Variants in ERC2 observed in about 807,000 individuals in gnomAD.
ERC2 encodes the protein ERC protein 2.
A neutral mutation model predicts 114.8 loss-of-function variants in ERC2; 42 were observed. The ratio of observed to expected loss-of-function variants is 0.37; its 90% CI spans 0.29 to 0.47. ERC2 has a LOEUF of 0.47. Among genes scored for constraint, ERC2 ranks in the 20% least tolerant of loss-of-function variants. The pLI is 0.99. For synonymous variants in ERC2, 454 were observed against 425.5 expected, an observed-to-expected ratio of 1.07 and a Z score of -0.82; for missense variants, 939 against 1,150.7, an observed-to-expected ratio of 0.82 and a Z score of 2.66.
intron 6 of ERC2, among the ~76,000 whole-genome samples, chr3:56,086,180 G>T (rs530888223): frequency 9.2e-5 from 14 of 152,006 alleles, no homozygotes; most frequent in Non-Finnish European, 2.1e-4. Context: ...GCACCTTCTC[G>T]CCATGTGTGA....
intron 2 of ERC2, among the ~76,000 whole-genome samples, chr3:56,391,848 G>A (rs1353645022): frequency 6.6e-6 from 1 of 152,008 alleles, no homozygotes; most frequent in Non-Finnish European, 1.5e-5. Flanking sequence ...AATACCTATG[G>A]GCTTTAGGGA....
At chr3:55,587,615 T>C (rs2107592342) in intron 17 of ERC2, among the ~76,000 whole-genome samples, 1 of 152,328 alleles carries the variant, frequency 6.6e-6, no homozygotes, top group Admixed American at 6.5e-5. Context: ...ATAGTGAATG[T>C]TTAATTTAAA....
chr3:55,930,297 G>C (rs970776192), intron 13 of ERC2, among the ~76,000 whole-genome samples: 5 of 152,136 alleles, frequency 3.3e-5, no homozygotes, highest in African/African-American at 1.2e-4. Context: ...GTTTTTTACA[G>C]CAATGCAAGA....
chr3:55,750,204 A>T (rs2066599165), intron 14 of ERC2, among the ~76,000 whole-genome samples: 1 of 152,190 alleles, frequency 6.6e-6, no homozygotes, highest in African/African-American at 2.4e-5. Context: ...TAAAAGATAA[A>T]TAATAGTTTA....
At chr3:55,903,032 AAC>A (rs2064227738) in intron 13 of ERC2, among the ~76,000 whole-genome samples, 2 of 152,212 alleles carry the variant, frequency 1.3e-5, no homozygotes, top group South Asian at 4.1e-4. Context: ...GCAGAAACAA[AAC>A]ATACTCACAT....
At chr3:55,838,893 T>C (rs1204764873) in intron 14 of ERC2, among the ~76,000 whole-genome samples, 1 of 151,640 alleles carries the variant, frequency 6.6e-6, no homozygotes, top group Admixed American at 6.6e-5. Flanking sequence ...CAAAAAGAAA[T>C]AGATAACCAG....
Position 56,403,860 on chromosome 3 carries a change from A to T in ERC2, c.657+30491T>A, listed in dbSNP as rs960284258. Among the ~76,000 whole-genome samples, 3 of 152,234 alleles carry T rather than the reference A, an allele frequency of 2.0e-5. No homozygotes were observed. In the South Asian group the frequency reaches 6.2e-4, roughly 31 times the overall value. On this transcript the variant is annotated intron_variant, in intron 2 of 17. Coordinates refer to ENST00000288221, the MANE Select transcript of ERC2 (RefSeq NM_015576.3). Reference sequence around the variant, plus strand: ...CATCTTCCAGTCTATAAAAGGACAGAAGGGAAGGCTGTGCTTCAGGAAAGG... The same window carrying T: ...CATCTTCCAGTCTATAAAAGGACAGTAGGGAAGGCTGTGCTTCAGGAAAGG...
chr3:55,827,000 T>C (rs1303795231), intron 14 of ERC2, among the ~76,000 whole-genome samples: 1 of 152,214 alleles, frequency 6.6e-6, no homozygotes, highest in Non-Finnish European at 1.5e-5. Context: ...AGCCTCACTT[T>C]ACTTCTTACT....
At chr3:55,559,901 G>A (rs766353276) in intron 17 of ERC2, among the ~76,000 whole-genome samples, 3 of 152,220 alleles carry the variant, frequency 2.0e-5, no homozygotes, top group Non-Finnish European at 2.9e-5. Flanking sequence ...CACAGCGTAC[G>A]GATGGCCATG....
intron 8 of ERC2, among the ~76,000 whole-genome samples, chr3:56,017,411 A>T (rs929991498): frequency 2.6e-5 from 4 of 152,148 alleles, no homozygotes; most frequent in Non-Finnish European, 4.4e-5. Flanking sequence ...CTTTTATTCA[A>T]ATTAATCCCC....
intron 13 of ERC2, among the ~76,000 whole-genome samples, chr3:55,947,552 T>G (rs1030266424): frequency 7.5e-6 from 1 of 133,574 alleles, no homozygotes; most frequent in East Asian, 1.9e-4. Flanking sequence ...GCCTAGTATG[T>G]TTTTGCTCAT....
At chr3:56,190,356 A>C (rs1396553161) in intron 3 of ERC2, among the ~76,000 whole-genome samples, 1 of 152,186 alleles carries the variant, frequency 6.6e-6, no homozygotes, top group Admixed American at 6.5e-5. Flanking sequence ...AGTTGTGAGA[A>C]TGAAGTGGTT....
intron 3 of ERC2, among the ~76,000 whole-genome samples, chr3:56,216,272 G>C (rs937978276): frequency 6.6e-6 from 1 of 152,134 alleles, no homozygotes; most frequent in African/African-American, 2.4e-5. Context: ...AGAAAAGAGA[G>C]AAGATCAAAT....
chr3:55,589,338 G>A (rs1446032083), intron 17 of ERC2, among the ~76,000 whole-genome samples: 4 of 151,976 alleles, frequency 2.6e-5, no homozygotes, highest in African/African-American at 7.3e-5. Flanking sequence ...GTGCGCAAAC[G>A]AGCAGCTTAC....
chr3:56,325,854 C>T (rs554431405), intron 2 of ERC2, among the ~76,000 whole-genome samples: 22 of 152,254 alleles, frequency 1.4e-4, no homozygotes, highest in African/African-American at 4.6e-4. Context: ...AAGGTCACAG[C>T]AAAGATTTCA....
Position 56,010,519 on chromosome 3 carries a change from G to T in ERC2, c.1850C>A (p.Ser617Tyr). The change falls in exon 9 of 18, where the codon TCC becomes TAC. Residue 617 changes from serine (S) to tyrosine (Y), a missense_variant. Ser to Tyr is a moderately radical substitution (Grantham distance 144, BLOSUM62 -2). Coordinates refer to ENST00000288221, the MANE Select transcript of ERC2 (RefSeq NM_015576.3). The stretch of plus-strand genomic sequence containing the variant: ...CAGGTCTTTGTTCTCTTTTCGGAAG[G>T]ATTCTATCTCTTCTAGTCTTTCCCG... The part of the protein sequence containing the change: ...DDRERLEEIE[S>Y]FRKENKDLKE... 1 of 1,613,552 alleles carries T rather than the reference G, an allele frequency of 6.2e-7. No homozygotes were observed. The highest frequency in any genetic ancestry group is 8.5e-7 in the Non-Finnish European group (1 of 1,179,668).
At chr3:55,800,108 C>T (rs1165860510) in intron 14 of ERC2, among the ~76,000 whole-genome samples, 2 of 151,958 alleles carry the variant, frequency 1.3e-5, no homozygotes, top group African/African-American at 4.8e-5. Context: ...TAGCAGCTTT[C>T]TTTCTTTCTC....
chr3:55,710,132 C>T (rs937311), intron 15 of ERC2, among the ~76,000 whole-genome samples: 82,766 of 151,706 alleles, frequency 0.55, 22,962 homozygotes, highest in South Asian at 0.69. Flanking sequence ...TAGCTTTACA[C>T]GGAACACTTG....
chr3:55,634,300 G>C (rs2059870849), intron 17 of ERC2, among the ~76,000 whole-genome samples: 1 of 152,170 alleles, frequency 6.6e-6, no homozygotes, highest in Non-Finnish European at 1.5e-5. Context: ...CCAATGCACA[G>C]ACTGCCTTGA....
Sources: gnomAD v4.1 joint callset for allele counts (sites outside exome capture counted in the v4.1 genomes callset) on GRCh38, gnomAD v4.1.1 for gene constraint, MANE v1.5 for transcripts, NCBI Gene and HGNC (gene_info 2026-07-23, HGNC 2026-07-21) for gene names.